The following NRCAM variants were observed in gnomAD, a reference collection of about 807,000 sequenced individuals.
NRCAM encodes the protein neuronal cell adhesion molecule, also known as NgCAM-related cell adhesion molecule.
NRCAM carries 83 observed loss-of-function variants against 156.5 expected under a neutral mutation model. That is an observed-to-expected ratio of 0.53 (90% CI 0.44 to 0.64). The LOEUF is 0.64. Ranked by LOEUF, NRCAM falls within the 30% of genes least tolerant of loss-of-function variation. The pLI, the probability that NRCAM is intolerant of heterozygous loss-of-function variation, is 0.00. For synonymous variants in NRCAM, 538 were observed against 563.9 expected, an observed-to-expected ratio of 0.95 and a Z score of 0.65; for missense variants, 1,417 against 1,597.3, an observed-to-expected ratio of 0.89 and a Z score of 1.92.
intron 2 of NRCAM, among the ~76,000 whole-genome samples, chr7:108,348,635 C>T (rs75754365): frequency 0.075 from 11,347 of 152,030 alleles, 434 homozygotes; most frequent in East Asian, 0.11. Context: ...GAATTGGGGC[C>T]GGGCGTAGCA....
intron 12 of NRCAM, among the ~76,000 whole-genome samples, chr7:108,208,638 A>T (rs2082405785): frequency 6.6e-6 from 1 of 152,156 alleles, no homozygotes; most frequent in East Asian, 1.9e-4. Context: ...CCAATCTGAC[A>T]ATTTCTTGGT....
intron 14 of NRCAM, 119 bp from the exon 15 acceptor site, chr7:108,195,991 C>G (rs2074841602): frequency 1.4e-6 from 1 of 700,794 alleles, no homozygotes. Context: ...CAATCTATCT[C>G]TCTCCTTATG....
intron 3 of NRCAM, among the ~76,000 whole-genome samples, chr7:108,268,825 C>T (rs567057704): frequency 6.6e-6 from 1 of 152,326 alleles, no homozygotes; most frequent in East Asian, 1.9e-4. Flanking sequence ...ATGAATGGTT[C>T]AATACCTGAA....
At chr7:108,155,585 T>C (rs932688215) in intron 32 of NRCAM, among the ~76,000 whole-genome samples, 2 of 152,132 alleles carry the variant, frequency 1.3e-5, no homozygotes, top group Non-Finnish European at 1.5e-5. Flanking sequence ...CTTGGTACCT[T>C]AGTTATATCT....
At chr7:108,427,116 C>T (rs1818322447) in intron 1 of NRCAM, among the ~76,000 whole-genome samples, 1 of 152,182 alleles carries the variant, frequency 6.6e-6, no homozygotes, top group South Asian at 2.1e-4. Flanking sequence ...CTAGGCTCCT[C>T]ACTCCAAATC....
intron 2 of NRCAM, among the ~76,000 whole-genome samples, chr7:108,345,916 A>G (rs1432126302): frequency 1.3e-5 from 2 of 152,190 alleles, no homozygotes; most frequent in Non-Finnish European, 2.9e-5. Flanking sequence ...GGAGCCCAGG[A>G]GTCGATGGCA....
At position 108,436,059 on chromosome 7, in the gene NRCAM, G is replaced by A. The variant is rs202116816; in HGVS notation, c.-332+20184C>T. Among the ~76,000 whole-genome samples the A allele has an allele frequency of 2.4e-4, 36 of 152,338 alleles. No homozygotes were observed. The East Asian group carries it at 6.6e-3, about 28-fold the overall frequency. On this transcript the variant is annotated intron_variant, in intron 1 of 32. Coordinates refer to ENST00000379028, the MANE Select transcript of NRCAM (RefSeq NM_001037132.4). ...TGAGGCAGGAGAATGGCGTGAGCCC[G>A]GGAGGCGGAGCTTGCAGTGAGCCGA...
At position 108,384,485 on chromosome 7, in the gene NRCAM, A is replaced by G. The variant is rs149536285; in HGVS notation, c.-174+14951T>C. Among the ~76,000 whole-genome samples the G allele has an allele frequency of 2.3e-3, 343 of 152,328 alleles. 1 individual carries two copies. Among genetic ancestry groups the G allele is most frequent in the African/African-American group, 6.8e-3 (283 of 41,580 alleles). On this transcript the variant is annotated intron_variant, in intron 2 of 32. Coordinates refer to ENST00000379028, the MANE Select transcript of NRCAM (RefSeq NM_001037132.4). ...CTTTTAAAAACCTGAAAGTAGCTAA[A>G]AAAAAATCCATCAGTTCTGTTAAGA...
chr7:108,298,083 C>T (rs2098487147), intron 3 of NRCAM, among the ~76,000 whole-genome samples: 1 of 152,134 alleles, frequency 6.6e-6, no homozygotes, highest in South Asian at 2.1e-4. Context: ...AACAGTAAAA[C>T]ACCCAGAATA....
At position 108,303,679 on chromosome 7, in the gene NRCAM, A is replaced by G. The variant is rs574629392; in HGVS notation, c.-107+8986T>C. ...TCATATACCAAGGCACTTGGAGTGT[A>G]TCTACTACATGGCTTCATGTAGGAT... On this transcript the variant is annotated intron_variant, in intron 3 of 32. Transcript: ENST00000379028. Among the ~76,000 whole-genome samples, 11 of 152,120 alleles carry G rather than the reference A, an allele frequency of 7.2e-5. No individual in the cohort carries two copies. In the East Asian group the frequency reaches 9.7e-4, roughly 13 times the overall value.
chr7:108,301,735 T>C (rs1405265145), intron 3 of NRCAM, among the ~76,000 whole-genome samples: 1 of 152,206 alleles, frequency 6.6e-6, no homozygotes, highest in East Asian at 1.9e-4. Context: ...GTATGGGTTT[T>C]GATTAAAAAA....
intron 1 of NRCAM, among the ~76,000 whole-genome samples, chr7:108,414,016 C>G (rs773555478): frequency 6.6e-6 from 1 of 152,194 alleles, no homozygotes; most frequent in African/African-American, 2.4e-5. Context: ...GAGACTCTGG[C>G]TTCTTGAACC....
chr7:108,449,447 C>T (rs947336220), intron 1 of NRCAM, among the ~76,000 whole-genome samples: 4 of 152,176 alleles, frequency 2.6e-5, no homozygotes, highest in Admixed American at 6.5e-5. Context: ...TCACTTTTGT[C>T]CTTTCAGCTC....
chr7:108,324,234 C>A (rs2099038296), intron 2 of NRCAM, among the ~76,000 whole-genome samples: 1 of 151,376 alleles, frequency 6.6e-6, no homozygotes, highest in African/African-American at 2.4e-5. Context: ...AAGGCTCTTA[C>A]AATAGTCCAG....
chr7:108,343,923 G>A (rs776859839), intron 2 of NRCAM, among the ~76,000 whole-genome samples: 1 of 152,132 alleles, frequency 6.6e-6, no homozygotes, highest in Non-Finnish European at 1.5e-5. Context: ...CAGAATCAAA[G>A]CTGTAAAACT....
chr7:108,240,023 C>G lies in NRCAM; in HGVS notation c.42G>C (p.Ala14=), dbSNP rs765438183. The G allele has an allele frequency of 6.2e-6, 10 of 1,613,122 alleles. No individual in the cohort carries two copies. Among genetic ancestry groups the G allele is most frequent in the Admixed American group, 3.3e-5 (2 of 59,954 alleles). ...KIMPKKKRLS[A]GRVPLILFLC... ...GGAAGAGAATCAGGGGCACTCTGCC[C>G]GCAGATAAGCGCTTCTTTTTCGGCA... Residue 14 remains alanine, a synonymous_variant, in exon 4 of 33, where the codon GCG becomes GCC. Transcript: ENST00000379028.
At chr7:108,245,135 G>C (rs930846354) in intron 3 of NRCAM, among the ~76,000 whole-genome samples, 2 of 151,874 alleles carry the variant, frequency 1.3e-5, no homozygotes, top group Non-Finnish European at 2.9e-5. Context: ...GGTGTAGGAT[G>C]GTGTCACCTG....
At chr7:108,237,830 T>A in intron 4 of NRCAM, 61 bp from the exon 5 acceptor site, 1 of 1,325,762 alleles carries the variant, frequency 7.5e-7, no homozygotes, top group Non-Finnish European at 1.0e-6. Flanking sequence ...AATCAGATGT[T>A]AATAATAAGA....
chr7:108,387,893 CT>C (rs1209702469), intron 2 of NRCAM, among the ~76,000 whole-genome samples: 1 of 152,018 alleles, frequency 6.6e-6, no homozygotes, highest in Non-Finnish European at 1.5e-5. Flanking sequence ...TAAACTCATC[CT>C]TTTTTATGGC....
Sources: gnomAD v4.1 joint callset for allele counts (sites outside exome capture counted in the v4.1 genomes callset) on GRCh38, gnomAD v4.1.1 for gene constraint, MANE v1.5 for transcripts, NCBI Gene and HGNC (gene_info 2026-07-23, HGNC 2026-07-21) for gene names.